The following CAMSAP1 variants were observed in gnomAD, a reference collection of about 807,000 sequenced individuals.
CAMSAP1 encodes the protein calmodulin regulated spectrin associated protein 1.
A neutral mutation model predicts 143.5 loss-of-function variants in CAMSAP1; 58 were observed. The observed-to-expected ratio is 0.40, with a 90% CI of 0.33 to 0.50. CAMSAP1 has a LOEUF of 0.50. CAMSAP1 is among the 20% of genes least tolerant of loss of function. The probability of loss-of-function intolerance (pLI) is 0.45; values close to 1 mark genes in which losing one functional copy is unlikely to be tolerated. For synonymous variants in CAMSAP1, 945 were observed against 859.3 expected, an observed-to-expected ratio of 1.10 and a Z score of -1.74; for missense variants, 1,969 against 2,115.7, an observed-to-expected ratio of 0.93 and a Z score of 1.36.
At chr9:135,837,056 T>G in intron 7 of CAMSAP1, 6 of 623,374 alleles carry the variant, frequency 9.6e-6, no homozygotes, top group Non-Finnish European at 9.9e-6. Flanking sequence ...CACATCATCA[T>G]GCCCGTTCTA....
intron 7 of CAMSAP1, chr9:135,849,883 T>C: frequency 2.8e-6 from 1 of 359,580 alleles, no homozygotes; most frequent in Non-Finnish European, 5.0e-6. Flanking sequence ...TTGTTCATTC[T>C]GGAGGTGAGA....
At chr9:135,885,787 GA>G (rs1266434019) in intron 1 of CAMSAP1, among the ~76,000 whole-genome samples, 2 of 152,124 alleles carry the variant, frequency 1.3e-5, no homozygotes, top group African/African-American at 4.8e-5. Context: ...AGAGTTAAAG[GA>G]AAATGACGCA....
chr9:135,885,142 A>AT (rs920305014), intron 1 of CAMSAP1, among the ~76,000 whole-genome samples: 64 of 151,754 alleles, frequency 4.2e-4, no homozygotes, highest in African/African-American at 1.5e-3. Flanking sequence ...CTCCATCCCC[A>AT]TCTCCTAGGC....
intron 1 of CAMSAP1, among the ~76,000 whole-genome samples, chr9:135,884,218 C>T (rs1838051794): frequency 6.6e-6 from 1 of 152,162 alleles, no homozygotes; most frequent in Non-Finnish European, 1.5e-5. Flanking sequence ...ACCCCACTGA[C>T]TCCTAGCGTT....
intron 7 of CAMSAP1, among the ~76,000 whole-genome samples, chr9:135,829,366 T>C (rs1835778056): frequency 6.7e-6 from 1 of 150,202 alleles, no homozygotes; most frequent in Non-Finnish European, 1.5e-5. Flanking sequence ...TTAAAGTAGC[T>C]AGGCATGGTG....
intron 5 of CAMSAP1, among the ~76,000 whole-genome samples, chr9:135,861,696 A>G (rs1196834509): frequency 6.6e-6 from 1 of 152,110 alleles, no homozygotes; most frequent in East Asian, 1.9e-4. Context: ...AACAAGATCA[A>G]TGCCAGCTCA....
At chr9:135,865,181 A>T in intron 4 of CAMSAP1, 1 of 724,772 alleles carries the variant, frequency 1.4e-6, no homozygotes, top group Non-Finnish European at 2.3e-6. Flanking sequence ...GAATCAGGCC[A>T]ATTCTTGTAC....
chr9:135,814,714 C>A (rs1446449586), intron 16 of CAMSAP1, among the ~76,000 whole-genome samples: 1 of 152,240 alleles, frequency 6.6e-6, no homozygotes, highest in Non-Finnish European at 1.5e-5. Flanking sequence ...CACCTCCAGG[C>A]TGCCTCCCTG....
chr9:135,892,529 C>A (rs1292314043), intron 1 of CAMSAP1, among the ~76,000 whole-genome samples: 7 of 150,708 alleles, frequency 4.6e-5, no homozygotes, highest in South Asian at 4.2e-4. Flanking sequence ...ATAGCAAGAT[C>A]CCATCTCTAT....
chr9:135,892,863 A>AAAAAAAAAAAAAAAAAAAAC (rs1320578524), intron 1 of CAMSAP1, among the ~76,000 whole-genome samples: 1 of 148,530 alleles, frequency 6.7e-6, no homozygotes, highest in African/African-American at 2.5e-5. Flanking sequence ...AAAAAAAAAA[A>AAAAAAAAAAAAAAAAAAAAC]AAAAGAACTA....
At chr9:135,865,357 G>A in intron 4 of CAMSAP1, 1 of 1,550,698 alleles carries the variant, frequency 6.4e-7, no homozygotes, top group Non-Finnish European at 8.7e-7. Flanking sequence ...ATACCACTTG[G>A]AGGGAGACTG....
intron 1 of CAMSAP1, among the ~76,000 whole-genome samples, chr9:135,894,372 C>T (rs1020020631): frequency 3.3e-5 from 5 of 152,164 alleles, no homozygotes; most frequent in African/African-American, 9.7e-5. Context: ...GGGCGGACAC[C>T]GGCACAGGAG....
intron 7 of CAMSAP1, among the ~76,000 whole-genome samples, chr9:135,829,829 G>A (rs1451154871): frequency 6.7e-6 from 1 of 149,680 alleles, no homozygotes; most frequent in Admixed American, 6.7e-5. Context: ...CTCCAGCCTG[G>A]GCGACAGAGC....
intron 14 of CAMSAP1, among the ~76,000 whole-genome samples, chr9:135,816,902 C>T (rs562483475): frequency 6.6e-6 from 1 of 152,308 alleles, no homozygotes; most frequent in South Asian, 2.1e-4. Flanking sequence ...AGACCAGTCC[C>T]CAGCCTCTCT....
chr9:135,812,580 G>A (rs570810684), intron 16 of CAMSAP1, among the ~76,000 whole-genome samples: 8 of 152,178 alleles, frequency 5.3e-5, no homozygotes, highest in South Asian at 2.1e-4. Flanking sequence ...GAAATTAGGC[G>A]GTGGTGATGG....
rs906674405 is a variant in CAMSAP1 at position 135,862,397 on chromosome 9, G to A, written c.808+70C>T. The A allele has an allele frequency of 8.5e-6, 12 of 1,412,206 alleles. No homozygotes were observed. The African/African-American group carries it at 1.3e-4, about 15-fold the overall frequency. The allele number at this position is 1,412,206 out of a possible 1,614,324, so 87.5% of individuals were successfully genotyped here. On this transcript the variant is annotated intron_variant, in intron 5 of 16. Transcript: ENST00000389532. ...TCTTTTTTTTTTTTAATATATATGT[G>A]GATCAATGTACACTATAATTTTCCT...
intron 7 of CAMSAP1, among the ~76,000 whole-genome samples, chr9:135,832,861 G>C (rs999980966): frequency 3.9e-5 from 6 of 152,028 alleles, no homozygotes; most frequent in Non-Finnish European, 8.8e-5. Flanking sequence ...GAAAACAATA[G>C]AACACTGATG....
At chr9:135,849,524 G>T (rs1451957140) in intron 7 of CAMSAP1, among the ~76,000 whole-genome samples, 1 of 151,976 alleles carries the variant, frequency 6.6e-6, no homozygotes, top group African/African-American at 2.4e-5. Flanking sequence ...TTTTCCTGTT[G>T]GCTCTTCTTT....
intron 7 of CAMSAP1, among the ~76,000 whole-genome samples, chr9:135,841,487 C>CGCTG (rs1185842353): frequency 6.6e-6 from 1 of 152,230 alleles, no homozygotes; most frequent in Admixed American, 6.5e-5. Context: ...CCCAGCACAG[C>CGCTG]GCTCAAGCTC....
Sources: gnomAD v4.1 joint callset for allele counts (sites outside exome capture counted in the v4.1 genomes callset) on GRCh38, gnomAD v4.1.1 for gene constraint, MANE v1.5 for transcripts, NCBI Gene and HGNC (gene_info 2026-07-23, HGNC 2026-07-21) for gene names.